The following ABCC2 variants were observed in gnomAD, a reference collection of about 807,000 sequenced individuals.
The protein encoded by ABCC2 is ATP-binding cassette sub-family C member 2.
In ABCC2, 157 loss-of-function variants were observed where a neutral mutation model predicts 173.4. The observed-to-expected ratio is 0.91, with a 90% CI of 0.80 to 1.03. ABCC2 has a LOEUF of 1.03. Ranked by LOEUF, ABCC2 falls within the 50% of genes least tolerant of loss-of-function variation. ABCC2 has a pLI of 0.00. For missense variants in ABCC2, 1,822 were observed against 1,852.3 expected (o/e 0.98, Z 0.30); for synonymous variants, 657 against 693.5 (o/e 0.95, Z 0.83).
At chr10:99,814,219 A>ACACACATG (rs1182403936) in intron 16 of ABCC2, among the ~76,000 whole-genome samples, 2 of 49,536 alleles carry the variant, frequency 4.0e-5, no homozygotes, top group African/African-American at 1.7e-4. Flanking sequence ...ACATGTGTAT[A>ACACACATG]TATACACACA....
At chr10:99,813,987 T>G (rs910364569) in intron 16 of ABCC2, among the ~76,000 whole-genome samples, 4 of 151,688 alleles carry the variant, frequency 2.6e-5, no homozygotes, top group African/African-American at 9.7e-5. Flanking sequence ...CTTCCTCCTT[T>G]GAGAGCTAAA....
At chr10:99,796,552 T>C (rs976015571) in intron 6 of ABCC2, among the ~76,000 whole-genome samples, 2 of 151,874 alleles carry the variant, frequency 1.3e-5, no homozygotes, top group African/African-American at 4.8e-5. Context: ...TGTGCAGTGG[T>C]GCAAACCTGT....
chr10:99,819,222 A>C lies in ABCC2; in HGVS notation c.2573A>C (p.Asn858Thr), dbSNP rs759431258. The change falls in exon 19 of 32, where the codon AAT becomes ACT. Residue 858 changes from asparagine to threonine, a missense_variant. Transcript: ENST00000647814. ...GCCAAAAAAGGAGAGTTTGCTAAGA[A>C]TCTGAAGACATTTCTAAGACATACA... The part of the protein sequence containing the change: ...LLAKKGEFAK[N>T]LKTFLRHTGP... 1 of 1,614,166 alleles carries C rather than the reference A, an allele frequency of 6.2e-7. No individual in the cohort carries two copies. The highest frequency in any genetic ancestry group is 8.5e-7 in the Non-Finnish European group (1 of 1,180,030).
chr10:99,808,237 G>A lies in ABCC2; in HGVS notation c.1815+8G>A, dbSNP rs375127462. The stretch of plus-strand genomic sequence containing the variant: ...ATCTCCTCCATGCTCCAGGTAGGTC[G>A]GCATTCTCACTGCTAACTCCCTGTC... On this transcript the variant is annotated splice_region_variant and intron_variant, in intron 13 of 31. Transcript: ENST00000647814. 33 of 1,613,748 alleles carry A rather than the reference G, an allele frequency of 2.0e-5. No individual in the cohort carries two copies. The East Asian group carries it at 2.2e-4, about 11-fold the overall frequency.
At chr10:99,807,625 G>A in intron 12 of ABCC2, 104 bp downstream of exon 12, 1 of 1,523,722 alleles carries the variant, frequency 6.6e-7, no homozygotes, top group Non-Finnish European at 9.1e-7. Flanking sequence ...CTCTAGGCCT[G>A]ACCGCAAGAT....
chr10:99,833,782 C>A (rs1445248545), intron 23 of ABCC2, among the ~76,000 whole-genome samples: 2 of 152,178 alleles, frequency 1.3e-5, no homozygotes, highest in Non-Finnish European at 2.9e-5. Flanking sequence ...TCACATATTA[C>A]CAATCATAGA....
At chr10:99,821,378 G>C (rs186397951) in intron 19 of ABCC2, among the ~76,000 whole-genome samples, 6,780 of 152,150 alleles carry the variant, frequency 0.045, 180 homozygotes, top group Middle Eastern at 0.17. Flanking sequence ...CCTCAGCACA[G>C]ACCCTTTACG....
At chr10:99,795,334 G>T (rs927267159) in intron 6 of ABCC2, among the ~76,000 whole-genome samples, 5 of 152,156 alleles carry the variant, frequency 3.3e-5, no homozygotes, top group African/African-American at 1.2e-4. Flanking sequence ...TAAATAACAA[G>T]ATCTAGTGAT....
chr10:99,851,452 A>T lies in ABCC2; in HGVS notation c.4509-50A>T, dbSNP rs771947330. On this transcript the variant is annotated intron_variant, in intron 31 of 31. Coordinates refer to ENST00000647814, the MANE Select transcript of ABCC2 (RefSeq NM_000392.5). ...CCTGGTTATTCTTATAAATGCCTAG[A>T]CTTGAGATGCTGCTTTCTAAGACTT... 3 of 1,611,388 alleles carry T rather than the reference A, an allele frequency of 1.9e-6. No homozygotes were observed. The African/African-American group carries it at 4.0e-5, about 21-fold the overall frequency.
chr10:99,782,733 C>A lies in ABCC2; in HGVS notation c.-112C>A. On this transcript the variant is annotated 5_prime_UTR_variant, in exon 1 of 32. Coordinates refer to ENST00000647814, the MANE Select transcript of ABCC2 (RefSeq NM_000392.5). ...ATGAAAGGTCATCCTTTACGGAGAA[C>A]ATCAGAATGGTAGATAATTCCTGTT... The A allele has an allele frequency of 8.0e-7, 1 of 1,245,554 alleles. No homozygotes were observed. The highest frequency in any genetic ancestry group is 1.8e-5 in the Admixed American group (1 of 56,332). The allele number at this position is 1,245,554 out of a possible 1,614,324, so 77.2% of individuals were successfully genotyped here. A position where few individuals can be genotyped will look rare whatever the true frequency, so the allele number is the denominator to read the frequency against.
rs751440935 is a variant in ABCC2 at position 99,794,517 on chromosome 10, C to G, written c.632+49C>G. ...TGGCTGTATCCTTACTCTCTCACTC[C>G]TCTGAAAGTGTCAGAAAGATTTTTT... is the stretch of plus-strand genomic sequence containing the variant. On this transcript the variant is annotated intron_variant, in intron 6 of 31. Transcript: ENST00000647814. The G allele has an allele frequency of 2.1e-5, 32 of 1,507,886 alleles. 1 individual carries two copies. The Admixed American group carries it at 5.4e-4, about 26-fold the overall frequency. The allele number at this position is 1,507,886 out of a possible 1,614,324, so 93.4% of individuals were successfully genotyped here.
At chr10:99,790,144 T>C (rs188754695) in intron 2 of ABCC2, among the ~76,000 whole-genome samples, 18 of 152,358 alleles carry the variant, frequency 1.2e-4, no homozygotes, top group African/African-American at 3.6e-4. Context: ...GTTAAGGATA[T>C]GTGAACTCAG....
At chr10:99,798,435 A>C (rs1342544023) in intron 7 of ABCC2, among the ~76,000 whole-genome samples, 1 of 152,182 alleles carries the variant, frequency 6.6e-6, no homozygotes, top group Non-Finnish European at 1.5e-5. Flanking sequence ...TAGGGCTGCC[A>C]TGATAGAGTA....
At chr10:99,791,858 T>C (rs1419144552) in intron 2 of ABCC2, among the ~76,000 whole-genome samples, 1 of 152,208 alleles carries the variant, frequency 6.6e-6, no homozygotes, top group Non-Finnish European at 1.5e-5. Context: ...CCACATTGCT[T>C]TTTTATGCCC....
intron 23 of ABCC2, among the ~76,000 whole-genome samples, chr10:99,832,899 A>G (rs2038763572): frequency 6.6e-6 from 1 of 152,224 alleles, no homozygotes. Flanking sequence ...AAGATCATAG[A>G]TGTCTCTCTT....
chr10:99,820,331 C>T (rs895676458), intron 19 of ABCC2, among the ~76,000 whole-genome samples: 1 of 152,106 alleles, frequency 6.6e-6, no homozygotes, highest in South Asian at 2.1e-4. Flanking sequence ...GCAGAGGTTG[C>T]GGTGAGCTGA....
intron 19 of ABCC2, among the ~76,000 whole-genome samples, chr10:99,826,374 T>C (rs576144740): frequency 1.4e-3 from 218 of 151,344 alleles, no homozygotes; most frequent in South Asian, 9.8e-3. Flanking sequence ...GGCGTTTTCA[T>C]ATGCCATCAA....
In ABCC2 at chr10:99,800,392, G is replaced by A. The variant is rs1446614770; in HGVS notation, c.1038G>A (p.Leu346=). 6.2e-7 allele frequency: 1 copy of A among 1,614,018 alleles called. No homozygotes were observed. Among genetic ancestry groups the A allele is most frequent in the East Asian group, 2.2e-5 (1 of 44,892 alleles). Residue 346 remains leucine (L), a synonymous_variant, in exon 9 of 32, where the codon CTG becomes CTA. Transcript: ENST00000647814. ...TFVSPQLLKL[L]ISFASDRDTY... ...CTTGGCTTTTCTCTGGCAGATTGCT[G>A]ATCTCCTTTGCAAGTGACCGTGACA... is the stretch of plus-strand genomic sequence containing the variant.
chr10:99,790,797 A>G (rs771916385), intron 2 of ABCC2, among the ~76,000 whole-genome samples: 1 of 152,160 alleles, frequency 6.6e-6, no homozygotes, highest in Non-Finnish European at 1.5e-5. Context: ...CACTGATCCT[A>G]TTAGTTAAAG....
Sources: allele counts gnomAD v4.1 joint callset (sites outside exome capture counted in the v4.1 genomes callset), GRCh38; gene constraint gnomAD v4.1.1; transcripts MANE v1.5; gene names NCBI Gene and HGNC (gene_info 2026-07-23, HGNC 2026-07-21).